PLEKHA5: variants seen among roughly 807,000 people sequenced by gnomAD.
PLEKHA5 encodes the protein pleckstrin homology domain-containing family A member 5.
In PLEKHA5, 55 loss-of-function variants were observed where a neutral mutation model predicts 181.9. The ratio of observed to expected loss-of-function variants is 0.30; its 90% CI spans 0.24 to 0.38. The LOEUF is 0.38. PLEKHA5 is among the 10% of genes least tolerant of loss of function. The pLI, the probability that PLEKHA5 is intolerant of heterozygous loss-of-function variation, is 1.00. For synonymous variants in PLEKHA5, 535 were observed against 529.4 expected (o/e 1.01, Z -0.15); for missense variants, 1,432 against 1,549.5 (o/e 0.92, Z 1.27).
intron 3 of PLEKHA5, among the ~76,000 whole-genome samples, chr12:19,220,427 T>A (rs372562586): frequency 1.3e-5 from 2 of 152,230 alleles, no homozygotes; most frequent in East Asian, 3.9e-4. Flanking sequence ...AAATGAAACA[T>A]AGATGTATGC....
At chr12:19,135,707 C>G (rs1432946916) in intron 3 of PLEKHA5, among the ~76,000 whole-genome samples, 5 of 151,904 alleles carry the variant, frequency 3.3e-5, no homozygotes, top group Non-Finnish European at 7.4e-5. Context: ...AACAAAGGAC[C>G]TGATCAGCGT....
chr12:19,150,995 A>G (rs980587388), intron 3 of PLEKHA5: 1 of 152,238 alleles, frequency 6.6e-6, no homozygotes, highest in Non-Finnish European at 1.5e-5. Flanking sequence ...TTAAACATGT[A>G]TACTGCAAGG....
intron 3 of PLEKHA5, among the ~76,000 whole-genome samples, chr12:19,231,625 G>A (rs145780016): frequency 0.25 from 9,976 of 40,624 alleles, 622 homozygotes; most frequent in East Asian, 0.35. Flanking sequence ...TACTCATAAA[G>A]CTTGAGTTAT....
intron 16 of PLEKHA5, among the ~76,000 whole-genome samples, chr12:19,315,727 A>G (rs2088375883): frequency 6.6e-6 from 1 of 152,148 alleles, no homozygotes; most frequent in Non-Finnish European, 1.5e-5. Flanking sequence ...TGAAAAATGA[A>G]TATATATTTT....
chr12:19,150,964 A>G (rs1326531032), intron 3 of PLEKHA5: 1 of 152,232 alleles, frequency 6.6e-6, no homozygotes, highest in Non-Finnish European at 1.5e-5. Context: ...CCAAGACCAG[A>G]GAACTCCCAC....
Position 19,156,133 on chromosome 12 carries a change from G to A in PLEKHA5, c.227+23683G>A, listed in dbSNP as rs116923621. On this transcript the variant is annotated intron_variant, in intron 3 of 31. Coordinates refer to ENST00000429027, the MANE Select transcript of PLEKHA5 (RefSeq NM_001256470.2). ...GCGCAAAGTTCTTATTGCAGGGACC[G>A]CCCTGGAGTATGTTCTTGAATTGTT... Among the ~76,000 whole-genome samples the A allele has an allele frequency of 1.4e-4, 21 of 151,764 alleles. 1 individual carries two copies. The East Asian group carries it at 3.7e-3, about 27-fold the overall frequency.
intron 3 of PLEKHA5, among the ~76,000 whole-genome samples, chr12:19,188,426 A>G (rs1249234016): frequency 6.6e-6 from 1 of 152,258 alleles, no homozygotes; most frequent in Non-Finnish European, 1.5e-5. Flanking sequence ...CAAAAATTAT[A>G]CTTCTAGTGT....
At chr12:19,262,221 A>G (rs1002316704) in intron 7 of PLEKHA5, among the ~76,000 whole-genome samples, 1 of 151,772 alleles carries the variant, frequency 6.6e-6, no homozygotes, top group South Asian at 2.1e-4. Context: ...CTAATACAAG[A>G]ATTTGTTGGG....
At chr12:19,306,750 A>G in intron 15 of PLEKHA5, 1 of 1,077,560 alleles carries the variant, frequency 9.3e-7, no homozygotes, top group South Asian at 1.3e-5. Flanking sequence ...CGGATAATTC[A>G]CCTTTGCCAA....
intron 13 of PLEKHA5, chr12:19,288,091 A>AG: frequency 3.0e-6 from 1 of 332,168 alleles, no homozygotes; most frequent in South Asian, 2.6e-5. Flanking sequence ...AAAAAAAAAA[A>AG]AAAAAAGAAA....
intron 3 of PLEKHA5, among the ~76,000 whole-genome samples, chr12:19,197,079 C>G (rs2052982222): frequency 6.6e-6 from 1 of 152,128 alleles, no homozygotes; most frequent in South Asian, 2.1e-4. Context: ...CTCTTCCCCA[C>G]TGACTCCACA....
chr12:19,332,723 G>A (rs1362750654), intron 20 of PLEKHA5, among the ~76,000 whole-genome samples: 1 of 152,158 alleles, frequency 6.6e-6, no homozygotes, highest in Non-Finnish European at 1.5e-5. Flanking sequence ...GAGTACAATG[G>A]CACAATCTCA....
intron 15 of PLEKHA5, among the ~76,000 whole-genome samples, chr12:19,295,745 T>C (rs2079587445): frequency 6.6e-6 from 1 of 152,140 alleles, no homozygotes; most frequent in Non-Finnish European, 1.5e-5. Flanking sequence ...GGTTGTAAGA[T>C]AGAGAAGAAG....
chr12:19,283,384 C>T lies in PLEKHA5; in HGVS notation c.1418C>T (p.Thr473Ile). ...GYRTLPRNSK[T>I]RPESICSVTP... ...AGAACACTCCCAAGAAACAGCAAGA[C>T]AAGGCCTGAAAGTATCTGCAGTGTA... Residue 473 changes from threonine (T) to isoleucine (I), a missense_variant, in exon 12 of 32, where the codon ACA becomes ATA. Coordinates refer to ENST00000429027, the MANE Select transcript of PLEKHA5 (RefSeq NM_001256470.2). 1 of 1,613,958 alleles carries T rather than the reference C, an allele frequency of 6.2e-7. No homozygotes were observed. The highest frequency in any genetic ancestry group is 1.1e-5 in the South Asian group (1 of 91,072).
chr12:19,143,258 T>C (rs1241960432), intron 3 of PLEKHA5, among the ~76,000 whole-genome samples: 1 of 152,226 alleles, frequency 6.6e-6, no homozygotes, highest in Admixed American at 6.5e-5. Context: ...TGTGCAAGGA[T>C]TTCCTTTTTT....
intron 9 of PLEKHA5, 56 bp downstream of exon 9, chr12:19,269,941 T>A (rs1334311097): frequency 5.4e-6 from 5 of 919,650 alleles, no homozygotes; most frequent in Non-Finnish European, 9.0e-6. Context: ...ATTCCATGCC[T>A]TGCAAGTATT....
chr12:19,359,362 T>C lies in PLEKHA5; in HGVS notation c.3349-50T>C, dbSNP rs368290634. On this transcript the variant is annotated intron_variant, in intron 27 of 31. Coordinates refer to ENST00000429027, the MANE Select transcript of PLEKHA5 (RefSeq NM_001256470.2). ...ATTAACAGGCACTATTTATAAAATATACATGCATGCACAGTATGAGTATAA... is the reference window on the plus strand; with the variant it reads ...ATTAACAGGCACTATTTATAAAATACACATGCATGCACAGTATGAGTATAA... 50 of 1,502,922 alleles carry C rather than the reference T, an allele frequency of 3.3e-5. No homozygotes were observed. The African/African-American group carries it at 5.0e-4, about 15-fold the overall frequency. 93.1% of individuals were successfully genotyped at this position (1,502,922 alleles called of 1,614,324 possible).
intron 3 of PLEKHA5, among the ~76,000 whole-genome samples, chr12:19,228,712 T>G (rs2060023944): frequency 6.6e-6 from 1 of 152,200 alleles, no homozygotes; most frequent in South Asian, 2.1e-4. Flanking sequence ...TCACTTGTAT[T>G]TTACTTCTGT....
At chr12:19,225,746 T>C (rs1204288198) in intron 3 of PLEKHA5, among the ~76,000 whole-genome samples, 1 of 152,194 alleles carries the variant, frequency 6.6e-6, no homozygotes, top group Non-Finnish European at 1.5e-5. Context: ...AACCTGTTTG[T>C]CTTCTGAACA....
Sources: allele counts gnomAD v4.1 joint callset (sites outside exome capture counted in the v4.1 genomes callset), GRCh38; gene constraint gnomAD v4.1.1; transcripts MANE v1.5; gene names NCBI Gene and HGNC (gene_info 2026-07-23, HGNC 2026-07-21).